The following SEC24D variants were observed in gnomAD, a reference collection of about 807,000 sequenced individuals.
SEC24D encodes the protein protein transport protein Sec24D.
A neutral mutation model predicts 116.9 loss-of-function variants in SEC24D; 69 were observed. The ratio of observed to expected loss-of-function variants is 0.59; its 90% CI spans 0.49 to 0.72. The LOEUF is 0.72. SEC24D is among the 30% of genes least tolerant of loss of function. The probability of loss-of-function intolerance (pLI) is 0.00; values close to 1 mark genes in which losing one functional copy is unlikely to be tolerated. For missense variants in SEC24D, 1,131 were observed against 1,264.1 expected (o/e 0.89, Z 1.60); for synonymous variants, 405 against 442.8 (o/e 0.91, Z 1.07).
chr4:118,804,935 C>T (rs1450232773), intron 7 of SEC24D, among the ~76,000 whole-genome samples: 1 of 149,780 alleles, frequency 6.7e-6, no homozygotes, highest in African/African-American at 2.5e-5. Flanking sequence ...TATACAAAGA[C>T]TCATGTACAC....
At chr4:118,806,036 TCCTC>T in intron 6 of SEC24D, 82 bp from the exon 7 acceptor site, 1 of 822,830 alleles carries the variant, frequency 1.2e-6, no homozygotes, top group South Asian at 1.7e-5. Context: ...CCTTGCTCTC[TCCTC>T]CCTCCTTTTC....
intron 22 of SEC24D, among the ~76,000 whole-genome samples, chr4:118,727,175 C>A (rs1287408844): frequency 6.6e-6 from 1 of 152,190 alleles, no homozygotes; most frequent in Non-Finnish European, 1.5e-5. Flanking sequence ...ACTCTGACAT[C>A]TGTAGATTTT....
intron 22 of SEC24D, 65 bp downstream of exon 22, chr4:118,728,496 C>T: frequency 2.3e-6 from 2 of 878,986 alleles, no homozygotes; most frequent in Non-Finnish European, 3.7e-6. Context: ...ATAGGGTGTG[C>T]ATGTTAAGTC....
intron 13 of SEC24D, among the ~76,000 whole-genome samples, chr4:118,746,637 C>G (rs1038032307): frequency 6.6e-6 from 1 of 152,056 alleles, no homozygotes; most frequent in Non-Finnish European, 1.5e-5. Context: ...ACACCACATG[C>G]TTTACACACC....
intron 8 of SEC24D, among the ~76,000 whole-genome samples, chr4:118,780,561 G>A (rs777212945): frequency 1.6e-4 from 24 of 152,190 alleles, no homozygotes; most frequent in Admixed American, 8.5e-4. Flanking sequence ...GTGGTACTGA[G>A]ATGAATGTAT....
At chr4:118,729,660 G>A (rs1175825472) in intron 21 of SEC24D, 8 of 152,216 alleles carry the variant, frequency 5.3e-5, no homozygotes, top group Admixed American at 1.3e-4. Context: ...GTGATATGAA[G>A]GATTTTGACT....
rs139125894 is a variant in SEC24D, at chr4:118,771,068, C to T, written c.1042-2757G>A. ...CCATGTTGAAAAGCATCAAAGATTT[C>T]CCTTTGCACTCTCCAGATGTCAGCT... On this transcript the variant is annotated intron_variant, in intron 8 of 22. Coordinates refer to ENST00000280551, the MANE Select transcript of SEC24D (RefSeq NM_014822.4). Among the ~76,000 whole-genome samples, 337 of 152,216 alleles carry T rather than the reference C, an allele frequency of 2.2e-3. 1 individual carries two copies. Among genetic ancestry groups the T allele is most frequent in the African/African-American group, 7.8e-3 (322 of 41,534 alleles).
chr4:118,821,573 T>A (rs530626170), intron 3 of SEC24D, among the ~76,000 whole-genome samples: 19 of 152,362 alleles, frequency 1.2e-4, no homozygotes, highest in Admixed American at 1.1e-3. Context: ...AAATTTTACA[T>A]GTTAAATTCA....
At chr4:118,816,108 T>C (rs867986524) in intron 4 of SEC24D, among the ~76,000 whole-genome samples, 7 of 144,992 alleles carry the variant, frequency 4.8e-5, no homozygotes, top group African/African-American at 1.8e-4. Context: ...TTTTTTTTTT[T>C]TGTAGAGTTG....
At chr4:118,827,312 C>A (rs1156438624) in intron 2 of SEC24D, among the ~76,000 whole-genome samples, 3 of 152,198 alleles carry the variant, frequency 2.0e-5, no homozygotes, top group African/African-American at 7.2e-5. Context: ...AGTCTTCCCC[C>A]AGCCATGTTA....
intron 17 of SEC24D, among the ~76,000 whole-genome samples, chr4:118,739,910 A>G (rs1726147800): frequency 6.6e-6 from 1 of 152,146 alleles, no homozygotes; most frequent in Non-Finnish European, 1.5e-5. Context: ...TATGGCTTCT[A>G]GTTAGTTTCA....
intron 13 of SEC24D, among the ~76,000 whole-genome samples, chr4:118,750,055 C>T (rs1726744493): frequency 6.6e-6 from 1 of 152,026 alleles, no homozygotes; most frequent in Non-Finnish European, 1.5e-5. Context: ...TAAAAATATG[C>T]ATTACTATAA....
chr4:118,723,344 TG>T lies in SEC24D; in HGVS notation c.*170del. On this transcript the variant is annotated 3_prime_UTR_variant, in exon 23 of 23. Coordinates refer to ENST00000280551, the MANE Select transcript of SEC24D (RefSeq NM_014822.4). ...CTTTATGGTACAATTGTACCTTAAT[TG>T]GCTTTATACCTGAGCACCAAAGCTG... 1 of 578,086 alleles carries T rather than the reference TG, an allele frequency of 1.7e-6. No individual in the cohort carries two copies. 35.8% of individuals were successfully genotyped at this position (578,086 alleles called of 1,614,324 possible). A position where few individuals can be genotyped will look rare whatever the true frequency, so the allele number is the denominator to read the frequency against.
intron 13 of SEC24D, among the ~76,000 whole-genome samples, chr4:118,745,366 A>T (rs1726465316): frequency 6.6e-6 from 1 of 152,204 alleles, no homozygotes. Context: ...GTTACGACGA[A>T]ATACTTTCTT....
intron 1 of SEC24D, among the ~76,000 whole-genome samples, chr4:118,835,541 G>C (rs1303986261): frequency 6.6e-6 from 1 of 152,152 alleles, no homozygotes; most frequent in Non-Finnish European, 1.5e-5. Context: ...GATGTCCCGA[G>C]GCTTCAAGAT....
In SEC24D at chr4:118,789,032, T is replaced by G. The variant is rs939186979; in HGVS notation, c.1041+8651A>C. 3.9e-5 allele frequency among the ~76,000 whole-genome samples: 6 copies of G among 152,326 alleles called. No individual in the cohort carries two copies. In the East Asian group the frequency reaches 1.2e-3, roughly 29 times the overall value. On this transcript the variant is annotated intron_variant, in intron 8 of 22. Transcript: ENST00000280551. ...CTTTAAGAACTCTAAAATGATTATT[T>G]CAAGATAACTCATAAGCTTCCAGGA...
intron 13 of SEC24D, among the ~76,000 whole-genome samples, chr4:118,745,347 A>C (rs1178295993): frequency 6.6e-6 from 1 of 152,176 alleles, no homozygotes; most frequent in Admixed American, 6.6e-5. Flanking sequence ...AAAACTATTA[A>C]AATGATGTGT....
chr4:118,731,182 AAATT>A, intron 21 of SEC24D, 130 bp downstream of exon 21: 3 of 744,312 alleles, frequency 4.0e-6, no homozygotes, highest in South Asian at 1.8e-5. Context: ...TCAAAACATG[AAATT>A]ATTTCTTTCA....
At chr4:118,762,519 T>A (rs150294492) in intron 10 of SEC24D, among the ~76,000 whole-genome samples, 194 of 151,426 alleles carry the variant, frequency 1.3e-3, no homozygotes, top group African/African-American at 4.0e-3. Flanking sequence ...AATTTTACCA[T>A]CTAAAATCAA....
Sources: gnomAD v4.1 joint callset for allele counts (sites outside exome capture counted in the v4.1 genomes callset) on GRCh38, gnomAD v4.1.1 for gene constraint, MANE v1.5 for transcripts, NCBI Gene and HGNC (gene_info 2026-07-23, HGNC 2026-07-21) for gene names.